Variants in CUBN observed in about 807,000 individuals in gnomAD.
The protein encoded by CUBN is 460 kDa receptor.
Under a neutral mutation model 405.3 loss-of-function variants are expected in CUBN, and 282 were observed. The observed-to-expected ratio is 0.70, with a 90% CI of 0.63 to 0.77. The LOEUF (loss-of-function observed/expected upper bound fraction) is 0.77. Among genes scored for constraint, CUBN ranks in the 30% least tolerant of loss-of-function variants. The pLI, the probability that CUBN is intolerant of heterozygous loss-of-function variation, is 0.00. For synonymous variants in CUBN, 1,684 were observed against 1,617.0 expected, an observed-to-expected ratio of 1.04 and a Z score of -0.99; for missense variants, 4,514 against 4,475.2, an observed-to-expected ratio of 1.01 and a Z score of -0.25.
intron 16 of CUBN, among the ~76,000 whole-genome samples, chr10:17,085,103 TTTG>T: frequency 6.6e-6 from 1 of 152,364 alleles, no homozygotes; most frequent in Non-Finnish European, 1.5e-5. Flanking sequence ...TTTCCTGTGT[TTTG>T]TTGTTTGTTT....
At chr10:17,049,978 G>T (rs771960033) in intron 22 of CUBN, among the ~76,000 whole-genome samples, 1 of 152,076 alleles carries the variant, frequency 6.6e-6, no homozygotes, top group Non-Finnish European at 1.5e-5. Flanking sequence ...GCCCAGATGA[G>T]GTCCCAGTAA....
Position 17,036,979 on chromosome 10 carries a change from T to C in CUBN, c.4017+4054A>G, listed in dbSNP as rs560167557. Reference sequence around the variant, plus strand: ...GCTAGAAAGCCGGCCTTGACACTTATAATCTTTCTGAATATGAACAACCTA... The same window carrying C: ...GCTAGAAAGCCGGCCTTGACACTTACAATCTTTCTGAATATGAACAACCTA... On this transcript the variant is annotated intron_variant, in intron 27 of 66. Transcript: ENST00000377833. Among the ~76,000 whole-genome samples the C allele has an allele frequency of 8.5e-5, 13 of 152,298 alleles. 1 individual carries two copies. In the South Asian group the frequency reaches 1.2e-3, roughly 15 times the overall value.
At chr10:16,875,426 A>G (rs12257979) in intron 57 of CUBN, among the ~76,000 whole-genome samples, 2,150 of 152,294 alleles carry the variant, frequency 0.014, 62 homozygotes, top group African/African-American at 0.049. Context: ...TGGTTTATAC[A>G]CTATCAGTGG....
At chr10:16,891,065 T>C (rs749054931) in intron 54 of CUBN, among the ~76,000 whole-genome samples, 2 of 152,208 alleles carry the variant, frequency 1.3e-5, no homozygotes, top group African/African-American at 2.4e-5. Flanking sequence ...TCCATTTTGA[T>C]GAAAAGCTGA....
At chr10:16,963,721 A>G (rs1247622380) in intron 31 of CUBN, among the ~76,000 whole-genome samples, 3 of 152,236 alleles carry the variant, frequency 2.0e-5, no homozygotes, top group Non-Finnish European at 4.4e-5. Flanking sequence ...TGTAGTGACT[A>G]AAAGAATGCA....
At chr10:16,826,512 T>C (rs188898677) in intron 66 of CUBN, among the ~76,000 whole-genome samples, 2 of 152,374 alleles carry the variant, frequency 1.3e-5, no homozygotes, top group South Asian at 2.1e-4. Flanking sequence ...TTTATACTTA[T>C]GTTTTACATT....
chr10:16,935,420 C>G (rs1009413946), intron 39 of CUBN, among the ~76,000 whole-genome samples: 2 of 152,122 alleles, frequency 1.3e-5, no homozygotes, highest in African/African-American at 4.8e-5. Flanking sequence ...TCCCAAAGTG[C>G]TGGGATTATA....
chr10:16,917,401 G>T (rs991820521), intron 45 of CUBN, among the ~76,000 whole-genome samples: 12 of 152,004 alleles, frequency 7.9e-5, no homozygotes, highest in African/African-American at 2.7e-4. Flanking sequence ...GATAAAGTTT[G>T]CTGTATAAAT....
At chr10:16,991,582 T>C (rs1314558748) in intron 28 of CUBN, among the ~76,000 whole-genome samples, 1 of 151,848 alleles carries the variant, frequency 6.6e-6, no homozygotes, top group African/African-American at 2.4e-5. Context: ...CAATTTTTGG[T>C]GATTAACAAA....
chr10:17,073,777 G>A lies in CUBN; in HGVS notation c.2302-1806C>T, dbSNP rs116443305. ...CCAGCTCTTATAGTATAGTGGCCAT[G>A]AATACAGTCTATGGACTTGGGTTCA... is the stretch of plus-strand genomic sequence containing the variant. On this transcript the variant is annotated intron_variant, in intron 17 of 66. Coordinates refer to ENST00000377833, the MANE Select transcript of CUBN (RefSeq NM_001081.4). 8.7e-3 allele frequency among the ~76,000 whole-genome samples: 1,321 copies of A among 152,218 alleles called. 21 individuals are homozygous for A. Among genetic ancestry groups the A allele is most frequent in the African/African-American group, 0.031 (1,273 of 41,528 alleles).
At position 16,906,321 on chromosome 10, in the gene CUBN, G is replaced by T. The variant is rs1263145352; in HGVS notation, c.7794C>A (p.Asn2598Lys). The change falls in exon 50 of 67, where the codon AAC becomes AAA. Residue 2598 changes from asparagine to lysine, a missense_variant. By Grantham distance (94) the Asn-to-Lys change is moderately conservative (BLOSUM62 0). Around this residue, in one of 5 missense-constraint regions of CUBN, gnomAD observed 1,613 missense variants for 1,542.8 expected, o/e 1.05. Coordinates refer to ENST00000377833, the MANE Select transcript of CUBN (RefSeq NM_001081.4). The part of the protein sequence containing the change: ...DGVRNYSRNL[N>K]CEWTLSNPNQ... Reference sequence around the variant, plus strand: ...TTGGATTGCTGAGAGTCCATTCGCAGTTCAGGTTTCTTGAGTAATTCCTGA... The same window carrying T: ...TTGGATTGCTGAGAGTCCATTCGCATTTCAGGTTTCTTGAGTAATTCCTGA... 6.2e-7 allele frequency: 1 copy of T among 1,613,738 alleles called. No individual in the cohort carries two copies. Among genetic ancestry groups the T allele is most frequent in the Admixed American group, 1.7e-5 (1 of 60,004 alleles).
At chr10:17,007,144 G>T (rs1463831485) in intron 28 of CUBN, among the ~76,000 whole-genome samples, 1 of 152,146 alleles carries the variant, frequency 6.6e-6, no homozygotes, top group Non-Finnish European at 1.5e-5. Flanking sequence ...TTTTCACACA[G>T]CCTGCGGAAA....
At chr10:17,096,599 T>C (rs979866918) in intron 14 of CUBN, among the ~76,000 whole-genome samples, 2 of 151,974 alleles carry the variant, frequency 1.3e-5, no homozygotes, top group African/African-American at 4.8e-5. Flanking sequence ...AAAGCAAATA[T>C]TTTTTTAAAT....
intron 60 of CUBN, among the ~76,000 whole-genome samples, chr10:16,849,896 C>T (rs1477282071): frequency 1.3e-5 from 2 of 152,134 alleles, no homozygotes; most frequent in African/African-American, 4.8e-5. Context: ...TATTTTCACC[C>T]GCACAGAGTC....
At chr10:17,110,233 C>G (rs1836739174) in intron 9 of CUBN, among the ~76,000 whole-genome samples, 1 of 152,154 alleles carries the variant, frequency 6.6e-6, no homozygotes. Context: ...CGATATATGC[C>G]TACTGTGATG....
At chr10:16,948,415 AC>A (rs1842840038) in intron 35 of CUBN, 62 bp downstream of exon 35, 2 of 1,610,108 alleles carry the variant, frequency 1.2e-6, no homozygotes, top group Non-Finnish European at 1.7e-6. Flanking sequence ...GTCCCCAATA[AC>A]AAACCAAGAA....
Position 16,874,588 on chromosome 10 carries a change from T to C in CUBN, c.9107-85A>G, listed in dbSNP as rs1020620605. The C allele has an allele frequency of 5.9e-6, 9 of 1,524,614 alleles. No individual in the cohort carries two copies. The African/African-American group carries it at 8.2e-5, about 14-fold the overall frequency. The allele number at this position is 1,524,614 out of a possible 1,614,324, so 94.4% of individuals were successfully genotyped here. A position where few individuals can be genotyped will look rare whatever the true frequency, so the allele number is the denominator to read the frequency against. On this transcript the variant is annotated intron_variant, in intron 57 of 66. Coordinates refer to ENST00000377833, the MANE Select transcript of CUBN (RefSeq NM_001081.4). ...GATTTTAAGAGATTCTATACTATTGTACATTTTTCCCTAAAAGAGGTAATA... is the reference window on the plus strand; with the variant it reads ...GATTTTAAGAGATTCTATACTATTGCACATTTTTCCCTAAAAGAGGTAATA...
At position 16,990,370 on chromosome 10, in the gene CUBN, C is replaced by A. The variant is rs1459168920; in HGVS notation, c.4314G>T (p.Val1438=). The A allele has an allele frequency of 5.6e-6, 9 of 1,614,190 alleles. No homozygotes were observed. Among genetic ancestry groups the A allele is most frequent in the Non-Finnish European group, 7.6e-6 (9 of 1,180,040 alleles). Residue 1438 remains valine (V), a synonymous_variant, in exon 29 of 67, where the codon GTG becomes GTT. Transcript: ENST00000377833. ...CAAAGTTGCACCTTGAATGATACTC[C>A]ACATCGAAGTCATGGATGGTGAGCT... ...SIQLTIHDFD[V]EYHSRCNFDV...
chr10:17,110,778 C>T, intron 9 of CUBN, 141 bp downstream of exon 9: 2 of 1,269,706 alleles, frequency 1.6e-6, no homozygotes, highest in Non-Finnish European at 2.3e-6. Context: ...CCACCTCAGC[C>T]TCCCAAAGTG....
Sources: gnomAD v4.1 joint callset for allele counts (sites outside exome capture counted in the v4.1 genomes callset) on GRCh38, gnomAD v4.1.1 for gene constraint, gnomAD v4.1.1 regional missense constraint, MANE v1.5 for transcripts, NCBI Gene and HGNC (gene_info 2026-07-23, HGNC 2026-07-21) for gene names.